MTDH: variants seen among roughly 807,000 people sequenced by gnomAD.
MTDH encodes protein LYRIC.
Under a neutral mutation model 72.7 loss-of-function variants are expected in MTDH, and 34 were observed. That is an observed-to-expected ratio of 0.47 (90% CI 0.36 to 0.62). MTDH has a LOEUF of 0.62. Ranked by LOEUF, MTDH falls within the 20% of genes least tolerant of loss-of-function variation. MTDH has a pLI of 0.00. For synonymous variants in MTDH, 266 were observed against 268.9 expected (o/e 0.99, Z 0.10); for missense variants, 677 against 699.4 (o/e 0.97, Z 0.36).
chr8:97,647,496 A>T (rs1811612043), intron 1 of MTDH, among the ~76,000 whole-genome samples: 1 of 151,998 alleles, frequency 6.6e-6, no homozygotes. Flanking sequence ...CAGGAGGTGG[A>T]GGCTGCAGTG....
chr8:97,699,682 A>G, intron 6 of MTDH, 72 bp from the exon 7 acceptor site: 2 of 1,016,372 alleles, frequency 2.0e-6, no homozygotes, highest in Admixed American at 1.9e-5. Flanking sequence ...GTGTCAAAGT[A>G]TAGAACTATT....
chr8:97,708,581 CTTTTTTTTTTTTTTTTT>C (rs1174573079), intron 8 of MTDH, among the ~76,000 whole-genome samples: 4 of 30,238 alleles, frequency 1.3e-4, no homozygotes, highest in African/African-American at 4.9e-4. Context: ...CATGCCAGGC[CTTTTTTTTTTTTTTTTT>C]TTTTTTTTTT....
intron 2 of MTDH, among the ~76,000 whole-genome samples, chr8:97,679,875 T>C (rs1812999216): frequency 6.6e-6 from 1 of 152,224 alleles, no homozygotes; most frequent in Non-Finnish European, 1.5e-5. Context: ...CATATATTGA[T>C]TAGCAATTGA....
intron 1 of MTDH, 77 bp downstream of exon 1, chr8:97,644,964 C>T (rs977977715): frequency 6.9e-6 from 10 of 1,439,574 alleles, no homozygotes; most frequent in Non-Finnish European, 9.1e-6. Flanking sequence ...GGAGGCCGCG[C>T]CCCAGCCGGG....
intron 11 of MTDH, among the ~76,000 whole-genome samples, chr8:97,723,570 C>T (rs1216764924): frequency 4.7e-5 from 7 of 150,348 alleles, no homozygotes; most frequent in East Asian, 4.0e-4. Flanking sequence ...GGTGAAACCC[C>T]GTCTCTACTA....
At chr8:97,661,263 T>A in intron 2 of MTDH, 90 bp downstream of exon 2, 1 of 905,678 alleles carries the variant, frequency 1.1e-6, no homozygotes, top group Non-Finnish European at 1.7e-6. Flanking sequence ...AGATTGTATG[T>A]ATACCTCTCA....
chr8:97,704,970 T>C (rs1203459071), intron 7 of MTDH, among the ~76,000 whole-genome samples: 1 of 152,122 alleles, frequency 6.6e-6, no homozygotes, highest in Non-Finnish European at 1.5e-5. Context: ...TGGAATAGAA[T>C]AGAAATTGCA....
chr8:97,658,069 A>G (rs1812047762), intron 1 of MTDH, among the ~76,000 whole-genome samples: 1 of 152,148 alleles, frequency 6.6e-6, no homozygotes, highest in Non-Finnish European at 1.5e-5. Flanking sequence ...CCAGCAACCC[A>G]AGAATTATAT....
intron 6 of MTDH, among the ~76,000 whole-genome samples, chr8:97,697,150 A>ATATATATATATATATATT: frequency 1.5e-5 from 1 of 68,798 alleles, no homozygotes; most frequent in Admixed American, 1.6e-4. Flanking sequence ...ATATATATAT[A>ATATATATATATATATATT]TTTTTTTTTT....
intron 10 of MTDH, among the ~76,000 whole-genome samples, chr8:97,720,607 A>G (rs530920092): frequency 2.7e-5 from 4 of 146,900 alleles, no homozygotes; most frequent in Middle Eastern, 3.5e-3. Context: ...TTATTTATTT[A>G]TGTGTGTGTG....
At chr8:97,654,018 A>G (rs1380807264) in intron 1 of MTDH, among the ~76,000 whole-genome samples, 1 of 152,216 alleles carries the variant, frequency 6.6e-6, no homozygotes, top group African/African-American at 2.4e-5. Flanking sequence ...GCCATGTGAC[A>G]GTTATTACCA....
chr8:97,649,372 G>A (rs867342339), intron 1 of MTDH, among the ~76,000 whole-genome samples: 2 of 151,942 alleles, frequency 1.3e-5, no homozygotes, highest in Admixed American at 6.6e-5. Flanking sequence ...CTACCCACTC[G>A]TGTGAGTAGA....
chr8:97,694,240 T>A (rs1813735440), intron 6 of MTDH, among the ~76,000 whole-genome samples: 1 of 151,356 alleles, frequency 6.6e-6, no homozygotes, highest in South Asian at 2.1e-4. Context: ...CCTTGTTGCC[T>A]AGGCTGGAGT....
chr8:97,687,793 G>A (rs936438712), intron 4 of MTDH, among the ~76,000 whole-genome samples, 188 bp downstream of exon 4: 1 of 152,168 alleles, frequency 6.6e-6, no homozygotes, highest in African/African-American at 2.4e-5. Flanking sequence ...TACTTGTTAC[G>A]TATTGCCTAA....
At chr8:97,714,039 G>T (rs1814746527) in intron 9 of MTDH, among the ~76,000 whole-genome samples, 3 of 152,010 alleles carry the variant, frequency 2.0e-5, no homozygotes, top group African/African-American at 4.8e-5. Context: ...TGGTGAAATG[G>T]GAAAAGAGAT....
At chr8:97,658,014 T>C (rs915929490) in intron 1 of MTDH, among the ~76,000 whole-genome samples, 3 of 152,210 alleles carry the variant, frequency 2.0e-5, no homozygotes, top group Admixed American at 2.0e-4. Flanking sequence ...AAGGACACAT[T>C]GGCTCTGCTG....
chr8:97,714,926 A>G (rs954618509), intron 9 of MTDH, among the ~76,000 whole-genome samples: 12 of 151,938 alleles, frequency 7.9e-5, no homozygotes, highest in Non-Finnish European at 1.8e-4. Flanking sequence ...CCCAGGTTCA[A>G]GCGATTCTCC....
intron 2 of MTDH, among the ~76,000 whole-genome samples, chr8:97,683,929 T>TG (rs1233068234): frequency 3.3e-5 from 5 of 151,984 alleles, no homozygotes; most frequent in Non-Finnish European, 5.9e-5. Flanking sequence ...CTGACCAACA[T>TG]GGAAAAACCC....
intron 7 of MTDH, among the ~76,000 whole-genome samples, chr8:97,706,246 A>G (rs1332159580): frequency 6.6e-6 from 1 of 152,212 alleles, no homozygotes; most frequent in Non-Finnish European, 1.5e-5. Context: ...ATTAATTCCA[A>G]ACCCTAGACA....
Sources: allele counts gnomAD v4.1 joint callset (sites outside exome capture counted in the v4.1 genomes callset), GRCh38; gene constraint gnomAD v4.1.1; transcripts MANE v1.5; gene names NCBI Gene and HGNC (gene_info 2026-07-23, HGNC 2026-07-21).